The following XYLT1 variants were observed in gnomAD, a reference collection of about 807,000 sequenced individuals.
XYLT1 encodes the protein xylosyltransferase 1.
A neutral mutation model predicts 91.3 loss-of-function variants in XYLT1; 36 were observed. That is an observed-to-expected ratio of 0.39 (90% CI 0.30 to 0.52). XYLT1 has a LOEUF of 0.52. Ranked by LOEUF, XYLT1 falls within the 20% of genes least tolerant of loss-of-function variation. The probability of loss-of-function intolerance (pLI) is 0.68; values close to 1 mark genes in which losing one functional copy is unlikely to be tolerated. For synonymous variants in XYLT1, 588 were observed against 532.0 expected (o/e 1.11, Z -1.45); for missense variants, 1,242 against 1,284.5 (o/e 0.97, Z 0.51).
At chr16:17,420,687 A>AT (rs35212295) in intron 1 of XYLT1, among the ~76,000 whole-genome samples, 1 of 151,630 alleles carries the variant, frequency 6.6e-6, no homozygotes, top group African/African-American at 2.4e-5. Flanking sequence ...AATTATTCAG[A>AT]TTTTTTTTTG....
chr16:17,143,499 T>A (rs1301979482), intron 6 of XYLT1, among the ~76,000 whole-genome samples: 1 of 152,206 alleles, frequency 6.6e-6, no homozygotes, highest in East Asian at 1.9e-4. Context: ...TCTGGATTTT[T>A]CAAGCCCTTA....
At chr16:17,109,960 G>A (rs1966830941) in intron 11 of XYLT1, among the ~76,000 whole-genome samples, 1 of 152,170 alleles carries the variant, frequency 6.6e-6, no homozygotes, top group Middle Eastern at 3.2e-3. Context: ...GGTGAGGTGG[G>A]GTGGGAGGTC....
intron 2 of XYLT1, among the ~76,000 whole-genome samples, chr16:17,336,987 A>T (rs2141843394): frequency 1.3e-5 from 2 of 152,332 alleles, no homozygotes; most frequent in Middle Eastern, 6.8e-3. Context: ...GGACACTATC[A>T]TAGCATTTTG....
At position 17,383,725 on chromosome 16, in the gene XYLT1, T is replaced by C. The variant is rs1209026770; in HGVS notation, c.364-25675A>G. Among the ~76,000 whole-genome samples the C allele has an allele frequency of 1.3e-5, 2 of 150,264 alleles. 1 individual carries two copies. The highest frequency in any genetic ancestry group is 4.0e-4 in the East Asian group (2 of 5,028). On this transcript the variant is annotated intron_variant, in intron 1 of 11. Coordinates refer to ENST00000261381, the MANE Select transcript of XYLT1 (RefSeq NM_022166.4). ...TTTCCAACTCAGCTACTTTCTATAA[T>C]AGCTGTGTGACCCAAAGTGGAATTT...
chr16:17,207,948 C>T (rs1378464721), intron 3 of XYLT1, among the ~76,000 whole-genome samples: 1 of 152,192 alleles, frequency 6.6e-6, no homozygotes, highest in African/African-American at 2.4e-5. Context: ...TGACTCTCTT[C>T]CCCATCCCTT....
chr16:17,326,817 T>TC (rs1357703212), intron 2 of XYLT1, among the ~76,000 whole-genome samples: 1 of 148,548 alleles, frequency 6.7e-6, no homozygotes, highest in African/African-American at 2.5e-5. Flanking sequence ...AGAGTGAGAC[T>TC]CCATCTCAAA....
chr16:17,320,546 A>C (rs2034700830), intron 2 of XYLT1, among the ~76,000 whole-genome samples: 2 of 144,342 alleles, frequency 1.4e-5, no homozygotes, highest in African/African-American at 5.2e-5. Flanking sequence ...GTGGTGCGAT[A>C]TCGGCTCACT....
chr16:17,367,132 G>A (rs1472550302), intron 1 of XYLT1, among the ~76,000 whole-genome samples: 1 of 152,216 alleles, frequency 6.6e-6, no homozygotes, highest in Non-Finnish European at 1.5e-5. Flanking sequence ...TTCTACCAGA[G>A]CCCGGCTCAG....
At chr16:17,452,811 T>C (rs1324674385) in intron 1 of XYLT1, among the ~76,000 whole-genome samples, 1 of 152,198 alleles carries the variant, frequency 6.6e-6, no homozygotes, top group Non-Finnish European at 1.5e-5. Flanking sequence ...ATTAGCACGT[T>C]AGAACATCTA....
intron 1 of XYLT1, among the ~76,000 whole-genome samples, chr16:17,414,652 A>G (rs1476610114): frequency 6.6e-6 from 1 of 152,200 alleles, no homozygotes; most frequent in Non-Finnish European, 1.5e-5. Flanking sequence ...GCAAAAGGGC[A>G]TTTCTGCAAA....
intron 1 of XYLT1, among the ~76,000 whole-genome samples, chr16:17,423,593 T>C (rs183973088): frequency 7.2e-5 from 11 of 152,086 alleles, no homozygotes; most frequent in African/African-American, 2.6e-4. Flanking sequence ...TCAATATTGA[T>C]TACTGTTATT....
At chr16:17,394,996 C>T (rs1340355233) in intron 1 of XYLT1, among the ~76,000 whole-genome samples, 1 of 152,144 alleles carries the variant, frequency 6.6e-6, no homozygotes, top group Non-Finnish European at 1.5e-5. Flanking sequence ...CTATCAAGAA[C>T]TACCTGAGGC....
intron 2 of XYLT1, among the ~76,000 whole-genome samples, chr16:17,307,025 T>C (rs1354127541): frequency 6.6e-6 from 1 of 152,182 alleles, no homozygotes; most frequent in Admixed American, 6.5e-5. Context: ...CTGAAATAAA[T>C]GGACCTGAGA....
At chr16:17,122,923 C>G (rs2030125357) in intron 10 of XYLT1, among the ~76,000 whole-genome samples, 1 of 152,128 alleles carries the variant, frequency 6.6e-6, no homozygotes, top group Non-Finnish European at 1.5e-5. Context: ...CTATTCTGTT[C>G]CACTGTTCTA....
chr16:17,393,859 T>C (rs978672132), intron 1 of XYLT1, among the ~76,000 whole-genome samples: 2 of 152,044 alleles, frequency 1.3e-5, no homozygotes, highest in African/African-American at 4.8e-5. Flanking sequence ...CACTGCAAGC[T>C]CCGCCTCCTG....
At chr16:17,287,347 G>A (rs1369536130) in intron 2 of XYLT1, among the ~76,000 whole-genome samples, 20 of 152,072 alleles carry the variant, frequency 1.3e-4, no homozygotes, top group Non-Finnish European at 4.4e-5. Context: ...TCAGAACGTA[G>A]ACGGATCCCT....
chr16:17,204,049 A>G lies in XYLT1; in HGVS notation c.914-3395T>C, dbSNP rs28612565. Among the ~76,000 whole-genome samples, 960 of 152,296 alleles carry G rather than the reference A, an allele frequency of 6.3e-3. 8 individuals carry two copies. Among genetic ancestry groups the G allele is most frequent in the African/African-American group, 0.022 (902 of 41,570 alleles). Reference sequence around the variant, plus strand: ...CTCTGAGGCTCAGAGAGGTCAGCACATTTCCCAGGTCACACAGTGAGTGAG... The same window carrying G: ...CTCTGAGGCTCAGAGAGGTCAGCACGTTTCCCAGGTCACACAGTGAGTGAG... On this transcript the variant is annotated intron_variant, in intron 3 of 11. Coordinates refer to ENST00000261381, the MANE Select transcript of XYLT1 (RefSeq NM_022166.4).
chr16:17,267,081 T>C (rs931289098), intron 2 of XYLT1, among the ~76,000 whole-genome samples: 1 of 152,188 alleles, frequency 6.6e-6, no homozygotes, highest in African/African-American at 2.4e-5. Flanking sequence ...TGTAGCATCA[T>C]GTTAATGGGA....
intron 4 of XYLT1, 144 bp downstream of exon 4, chr16:17,200,338 G>A (rs949666817): frequency 2.6e-5 from 26 of 981,578 alleles, no homozygotes; most frequent in Middle Eastern, 3.3e-4. Context: ...AGGGCCACAC[G>A]CTCTGTGGAG....
Sources: allele counts gnomAD v4.1 joint callset (sites outside exome capture counted in the v4.1 genomes callset), GRCh38; gene constraint gnomAD v4.1.1; transcripts MANE v1.5; gene names NCBI Gene and HGNC (gene_info 2026-07-23, HGNC 2026-07-21).